The following C1QTNF3 variants were observed in gnomAD, a reference collection of about 807,000 sequenced individuals.
C1QTNF3 encodes the protein C1q and TNF related 3, also known as complement C1q tumor necrosis factor-related protein 3.
Under a neutral mutation model 32.6 loss-of-function variants are expected in C1QTNF3, and 26 were observed. That is an observed-to-expected ratio of 0.80 (90% confidence interval 0.58 to 1.11). The LOEUF (loss-of-function observed/expected upper bound fraction) is 1.11, where lower values mean the gene tolerates loss of function less well. Among genes scored for constraint, C1QTNF3 ranks in the 50% least tolerant of loss-of-function variants. C1QTNF3 has a pLI of 0.00. For synonymous variants in C1QTNF3, 155 were observed against 146.0 expected (o/e 1.06, Z -0.44); for missense variants, 362 against 398.2 (o/e 0.91, Z 0.77).
chr5:34,234,652 A>T, the C1QTNF3 span, among the ~76,000 whole-genome samples: 8 of 152,174 alleles, frequency 5.3e-5, no homozygotes, highest in Non-Finnish European at 1.2e-4. Flanking sequence ...AAGTCTGCAT[A>T]GCACTGACAA....
chr5:34,236,179 G>A, the C1QTNF3 span, among the ~76,000 whole-genome samples: 1 of 152,102 alleles, frequency 6.6e-6, no homozygotes, highest in East Asian at 1.9e-4. Flanking sequence ...AAGTATATAA[G>A]AATGAGAAAT....
chr5:34,023,686 A>G (rs932340682), intron 5 of C1QTNF3, among the ~76,000 whole-genome samples: 2 of 152,226 alleles, frequency 1.3e-5, no homozygotes, highest in Admixed American at 1.3e-4. Flanking sequence ...GCTAGTAATT[A>G]ATGCAAGGCC....
chr5:34,074,875 A>G, the C1QTNF3 span, among the ~76,000 whole-genome samples: 8 of 151,750 alleles, frequency 5.3e-5, no homozygotes, highest in Non-Finnish European at 8.8e-5. Flanking sequence ...GCAAAGCATA[A>G]ATTATACAAG....
At chr5:34,157,658 T>G in the C1QTNF3 span, among the ~76,000 whole-genome samples, 3 of 152,214 alleles carry the variant, frequency 2.0e-5, no homozygotes, top group South Asian at 2.1e-4. Flanking sequence ...ATCAGAGAGA[T>G]AAAACTTTGT....
the C1QTNF3 span, among the ~76,000 whole-genome samples, chr5:34,170,904 GATAGTTTA>G: frequency 1.3e-5 from 2 of 152,042 alleles, no homozygotes; most frequent in African/African-American, 4.8e-5. Context: ...CAATTTTTCT[GATAGTTTA>G]TATTCAGCCA....
At chr5:34,063,294 TCTC>T in the C1QTNF3 span, among the ~76,000 whole-genome samples, 5 of 87,286 alleles carry the variant, frequency 5.7e-5, no homozygotes, top group African/African-American at 2.4e-4. Context: ...CTTCCCTCTC[TCTC>T]CTCTCTCTCT....
the C1QTNF3 span, among the ~76,000 whole-genome samples, chr5:34,144,123 A>C: frequency 6.6e-6 from 1 of 152,214 alleles, no homozygotes; most frequent in Admixed American, 6.5e-5. Flanking sequence ...AAGAATCACT[A>C]TTCTTGTATC....
At chr5:34,057,355 T>C in the C1QTNF3 span, among the ~76,000 whole-genome samples, 1 of 152,154 alleles carries the variant, frequency 6.6e-6, no homozygotes, top group Non-Finnish European at 1.5e-5. Flanking sequence ...TCACTTACTA[T>C]GAATGTGTGA....
At chr5:34,062,492 G>T in the C1QTNF3 span, among the ~76,000 whole-genome samples, 1 of 152,172 alleles carries the variant, frequency 6.6e-6, no homozygotes, top group African/African-American at 2.4e-5. Flanking sequence ...GAAGGAGAGC[G>T]AGCAGTAAAA....
the C1QTNF3 span, among the ~76,000 whole-genome samples, chr5:34,213,762 CACACACACATACGT>C: frequency 1.3e-4 from 13 of 99,094 alleles, no homozygotes; most frequent in South Asian, 3.0e-4. Flanking sequence ...TATATATACA[CACACACACATACGT>C]GTATATATAC....
the C1QTNF3 span, among the ~76,000 whole-genome samples, chr5:34,049,174 A>G: frequency 2.6e-5 from 4 of 152,188 alleles, no homozygotes; most frequent in Non-Finnish European, 5.9e-5. Context: ...TGGTGGCTGT[A>G]GCTGGTTCCA....
At chr5:34,207,943 G>A in the C1QTNF3 span, among the ~76,000 whole-genome samples, 14 of 151,868 alleles carry the variant, frequency 9.2e-5, no homozygotes, top group Admixed American at 2.6e-4. Flanking sequence ...GCCCGCCACC[G>A]TGCCCGGCTA....
At chr5:34,191,166 C>A in the C1QTNF3 span, 1 of 711,624 alleles carries the variant, frequency 1.4e-6, no homozygotes, top group Non-Finnish European at 2.6e-6. Flanking sequence ...CCCCTCCCCC[C>A]TCCACATTGA....
chr5:34,066,602 A>C, the C1QTNF3 span, among the ~76,000 whole-genome samples: 17 of 151,928 alleles, frequency 1.1e-4, no homozygotes, highest in African/African-American at 4.1e-4. Flanking sequence ...CTTCTGTGTG[A>C]TAATGACGGC....
Position 34,043,084 on chromosome 5 carries a change from C to A in C1QTNF3, c.42G>T (p.Leu14Phe), listed in dbSNP as rs147817904. 4 of 1,613,830 alleles carry A rather than the reference C, an allele frequency of 2.5e-6. No individual in the cohort carries two copies. In the East Asian group the frequency reaches 6.7e-5, roughly 27 times the overall value. The part of the protein sequence containing the change: ...RQLIYWQLLA[L>F]FFLPFCLCQD... ...GACACAGGCAAAAAGGGAGGAAAAA[C>A]AAAGCCAGCAGTTGCCAATAGATGA... The change falls in exon 1 of 6, where the codon TTG (leucine) becomes TTT (phenylalanine). Residue 14 changes from leucine (L) to phenylalanine (F), a missense_variant. By Grantham distance (22) the Leu-to-Phe change is conservative. Coordinates refer to ENST00000382065, the MANE Select transcript of C1QTNF3 (RefSeq NM_181435.6).
the C1QTNF3 span, among the ~76,000 whole-genome samples, chr5:34,091,105 T>C: frequency 6.6e-6 from 1 of 152,180 alleles, no homozygotes; most frequent in Admixed American, 6.5e-5. Context: ...CCAAAGGGGT[T>C]GATAGGTTTT....
At chr5:34,177,329 T>C in the C1QTNF3 span, among the ~76,000 whole-genome samples, 1 of 152,142 alleles carries the variant, frequency 6.6e-6, no homozygotes. Context: ...AGGTTCTTTT[T>C]TGAAACAAGG....
At chr5:34,132,429 G>GTATA in the C1QTNF3 span, among the ~76,000 whole-genome samples, 4 of 34,370 alleles carry the variant, frequency 1.2e-4, no homozygotes, top group African/African-American at 2.9e-4. Flanking sequence ...GTATGTGTAT[G>GTATA]TGTATGTATA....
At chr5:34,028,907 T>C in intron 3 of C1QTNF3, 24 bp from the exon 4 acceptor site, 1 of 1,598,762 alleles carries the variant, frequency 6.3e-7, no homozygotes, top group Non-Finnish European at 8.5e-7. Context: ...TATTGGTCAA[T>C]AAATAGGCAA....
Sources: allele counts gnomAD v4.1 joint callset (sites outside exome capture counted in the v4.1 genomes callset), GRCh38; gene constraint gnomAD v4.1.1; transcripts MANE v1.5; gene names NCBI Gene and HGNC (gene_info 2026-07-23, HGNC 2026-07-21).